The following PCDHGA3 variants were observed in gnomAD, a reference collection of about 807,000 sequenced individuals.
PCDHGA3 encodes protocadherin gamma-A3.
A neutral mutation model predicts 58.5 loss-of-function variants in PCDHGA3; 40 were observed. The observed-to-expected ratio is 0.68, with a 90% CI of 0.53 to 0.89. The LOEUF (loss-of-function observed/expected upper bound fraction) is 0.89, where lower values mean the gene tolerates loss of function less well. Ranked by LOEUF, PCDHGA3 falls within the 40% of genes least tolerant of loss-of-function variation. PCDHGA3 has a pLI of 0.00. For missense variants in PCDHGA3, 1,223 were observed against 1,195.9 expected, an observed-to-expected ratio of 1.02 and a Z score of -0.33; for synonymous variants, 530 against 525.7, an observed-to-expected ratio of 1.01 and a Z score of -0.11.
Position 141,375,974 on chromosome 5 carries a change from G to A in PCDHGA3, c.2424+29517G>A, listed in dbSNP as rs181747779. Reference sequence around the variant, plus strand: ...CACGGGCGAGGTGCGCACGGCGCGCGCCCTGCTGGACAGAGACGCGCTCAA... The same window carrying A: ...CACGGGCGAGGTGCGCACGGCGCGCACCCTGCTGGACAGAGACGCGCTCAA... On this transcript the variant is annotated intron_variant, in intron 1 of 3. Transcript: ENST00000253812. 26 of 1,613,354 alleles carry A rather than the reference G, an allele frequency of 1.6e-5. No individual in the cohort carries two copies. The South Asian group carries it at 2.0e-4, about 12-fold the overall frequency.
intron 1 of PCDHGA3, chr5:141,441,637 C>T (rs1200679247): frequency 4.4e-6 from 1 of 228,574 alleles, no homozygotes; most frequent in South Asian, 4.8e-5. Context: ...GAGCCACAGG[C>T]GCTGTGATTC....
At chr5:141,470,236 T>C (rs1232874196) in intron 1 of PCDHGA3, among the ~76,000 whole-genome samples, 1 of 152,210 alleles carries the variant, frequency 6.6e-6, no homozygotes, top group African/African-American at 2.4e-5. Context: ...ACCAAACCCT[T>C]GAATGTCCCA....
At chr5:141,375,035 G>A (rs541605714) in intron 1 of PCDHGA3, 1 of 1,614,008 alleles carries the variant, frequency 6.2e-7, no homozygotes, top group East Asian at 2.2e-5. Flanking sequence ...TTATGAGCTG[G>A]GTGTTGAAGC....
At chr5:141,479,798 G>A (rs892288776) in intron 1 of PCDHGA3, among the ~76,000 whole-genome samples, 3 of 152,116 alleles carry the variant, frequency 2.0e-5, no homozygotes, top group African/African-American at 7.2e-5. Flanking sequence ...ATTAATTCAG[G>A]GTGGTATGCA....
rs766428179 is a variant in PCDHGA3, at chr5:141,395,052, C to T, written c.2424+48595C>T. 25 of 1,614,148 alleles carry T rather than the reference C, an allele frequency of 1.5e-5. No homozygotes were observed. In the African/African-American group the frequency reaches 3.2e-4, roughly 21 times the overall value. On this transcript the variant is annotated intron_variant, in intron 1 of 3. Coordinates refer to ENST00000253812, the MANE Select transcript of PCDHGA3 (RefSeq NM_018916.4). Reference sequence around the variant, plus strand: ...ACATTTTGTGGGTGTTGAGGAGGTACAGGCTTTCCTGCAGACCTATTCCCA... The same window carrying T: ...ACATTTTGTGGGTGTTGAGGAGGTATAGGCTTTCCTGCAGACCTATTCCCA...
intron 1 of PCDHGA3, among the ~76,000 whole-genome samples, chr5:141,463,541 C>T (rs1423301726): frequency 2.7e-5 from 4 of 150,402 alleles, no homozygotes; most frequent in East Asian, 2.0e-4. Flanking sequence ...CTCCGGCTCC[C>T]GGGTTCATGC....
In PCDHGA3 at chr5:141,346,162, T is replaced by C. The variant is rs1185543456; in HGVS notation, c.2129T>C (p.Val710Ala). 3.1e-6 allele frequency: 5 copies of C among 1,613,932 alleles called. No homozygotes were observed. The Admixed American group carries it at 8.3e-5, about 27-fold the overall frequency. The change falls in exon 1 of 4, where the codon GTG becomes GCG. Residue 710 changes from valine to alanine, a missense_variant. By Grantham distance (64) the Val-to-Ala change is moderately conservative. Coordinates refer to ENST00000253812, the MANE Select transcript of PCDHGA3 (RefSeq NM_018916.4). ...VSCVFLAFVI[V>A]LLALRLRRWH... ...TGCGTCTTCCTGGCCTTCGTCATCG[T>C]GCTGCTGGCGCTCAGGCTGCGGCGC...
chr5:141,421,201 C>A, intron 1 of PCDHGA3: 3 of 1,518,204 alleles, frequency 2.0e-6, no homozygotes, highest in Non-Finnish European at 2.6e-6. Context: ...GCTCGAGAAA[C>A]CGCGGAATAT....
chr5:141,394,509 G>T lies in PCDHGA3; in HGVS notation c.2424+48052G>T, dbSNP rs367855808. 10 of 1,614,028 alleles carry T rather than the reference G, an allele frequency of 6.2e-6. No homozygotes were observed. The highest frequency in any genetic ancestry group is 7.6e-6 in the Non-Finnish European group (9 of 1,180,034). On this transcript the variant is annotated intron_variant, in intron 1 of 3. Transcript: ENST00000253812. ...CAACGCGCCCGAGATCCTGTACCCCGCCCTCCCCACAGACGGTTCCACTGG... is the reference window on the plus strand; with the variant it reads ...CAACGCGCCCGAGATCCTGTACCCCTCCCTCCCCACAGACGGTTCCACTGG...
intron 1 of PCDHGA3, among the ~76,000 whole-genome samples, chr5:141,475,732 C>T (rs2099367914): frequency 6.6e-6 from 1 of 152,248 alleles, no homozygotes; most frequent in Non-Finnish European, 1.5e-5. Context: ...GCTGGCTTTC[C>T]CTAAGGTAGG....
At chr5:141,418,726 G>C (rs1399333996) in intron 1 of PCDHGA3, 1 of 1,613,986 alleles carries the variant, frequency 6.2e-7, no homozygotes, top group Non-Finnish European at 8.5e-7. Flanking sequence ...ACAAAGCTCA[G>C]CACGTGTTCT....
intron 1 of PCDHGA3, chr5:141,413,055 C>G: frequency 9.8e-7 from 1 of 1,019,544 alleles, no homozygotes; most frequent in Non-Finnish European, 1.4e-6. Flanking sequence ...GGGAAGCTCA[C>G]TCCAGAATTT....
intron 1 of PCDHGA3, among the ~76,000 whole-genome samples, chr5:141,382,171 G>T (rs1325332399): frequency 6.6e-6 from 1 of 151,984 alleles, no homozygotes; most frequent in African/African-American, 2.4e-5. Flanking sequence ...GTGTTAGACC[G>T]TCTCTAAGGT....
intron 1 of PCDHGA3, among the ~76,000 whole-genome samples, chr5:141,406,302 C>T (rs897412289): frequency 1.3e-4 from 20 of 152,020 alleles, no homozygotes; most frequent in African/African-American, 4.8e-4. Context: ...GAGGTGTGAA[C>T]CACCTCACCC....
chr5:141,418,832 G>A, intron 1 of PCDHGA3: 1 of 1,614,008 alleles, frequency 6.2e-7, no homozygotes, highest in Non-Finnish European at 8.5e-7. Flanking sequence ...AAAAGACCGA[G>A]GATCTCTCTC....
In PCDHGA3 at chr5:141,357,452, A is replaced by T. The variant is rs191856685; in HGVS notation, c.2424+10995A>T. On this transcript the variant is annotated intron_variant, in intron 1 of 3. Coordinates refer to ENST00000253812, the MANE Select transcript of PCDHGA3 (RefSeq NM_018916.4). ...GTGGACGGGGTTCGGGCTTTCCTGCAGACCTATTCCCACGAGGTCTCCCTC... is the reference window on the plus strand; with the variant it reads ...GTGGACGGGGTTCGGGCTTTCCTGCTGACCTATTCCCACGAGGTCTCCCTC... 2.9e-4 allele frequency: 471 copies of T among 1,614,228 alleles called. No individual in the cohort carries two copies. The highest frequency in any genetic ancestry group is 3.7e-4 in the Non-Finnish European group (441 of 1,180,050).
intron 1 of PCDHGA3, among the ~76,000 whole-genome samples, chr5:141,462,538 C>G (rs565849689): frequency 1.3e-5 from 2 of 152,102 alleles, no homozygotes; most frequent in South Asian, 2.1e-4. Context: ...GTTCAGTGAT[C>G]TTTTCTTCTT....
At chr5:141,403,758 T>C (rs1022850868) in intron 1 of PCDHGA3, 18 of 1,613,804 alleles carry the variant, frequency 1.1e-5, no homozygotes, top group Non-Finnish European at 1.4e-5. Flanking sequence ...GCCAGCGACC[T>C]GGATGAGGGA....
intron 1 of PCDHGA3, chr5:141,361,630 C>T (rs1174960250): frequency 1.2e-6 from 2 of 1,613,914 alleles, no homozygotes; most frequent in South Asian, 1.1e-5. Context: ...CCTGAAGCCG[C>T]GGGAGATTTT....
Sources: gnomAD v4.1 joint callset for allele counts (sites outside exome capture counted in the v4.1 genomes callset) on GRCh38, gnomAD v4.1.1 for gene constraint, MANE v1.5 for transcripts, NCBI Gene and HGNC (gene_info 2026-07-23, HGNC 2026-07-21) for gene names.